SERPINB7: variants seen among roughly 807,000 people sequenced by gnomAD.
SERPINB7 encodes the protein serpin family B member 7, also known as serpin B7.
SERPINB7 carries 31 observed loss-of-function variants against 37.4 expected under a neutral mutation model. The ratio of observed to expected loss-of-function variants is 0.83; its 90% CI spans 0.62 to 1.12. The LOEUF (loss-of-function observed/expected upper bound fraction) is 1.12. Among genes scored for constraint, SERPINB7 ranks in the 50% most tolerant of loss-of-function variants. SERPINB7 has a pLI of 0.00. For synonymous variants in SERPINB7, 163 were observed against 166.1 expected (o/e 0.98, Z 0.14); for missense variants, 521 against 455.3 (o/e 1.14, Z -1.31).
At chr18:63,790,191 T>TAAACTAATTCATTTTAAACAAATTTA (rs2049412134) in intron 2 of SERPINB7, among the ~76,000 whole-genome samples, 1 of 152,204 alleles carries the variant, frequency 6.6e-6, no homozygotes, top group South Asian at 2.1e-4. Context: ...ATTATGAATT[T>TAAACTAATTCATTTTAAACAAATTTA]AACAAATTTT....
At chr18:63,792,495 G>A (rs2049440191) in intron 3 of SERPINB7, 52 bp downstream of exon 3, 1 of 1,236,044 alleles carries the variant, frequency 8.1e-7, no homozygotes, top group Non-Finnish European at 1.2e-6. Context: ...AGGTGCAGGG[G>A]CTCAAGCCTG....
At position 63,788,982 on chromosome 18, in the gene SERPINB7, G is replaced by A. The variant is rs143698247; in HGVS notation, c.169-3411G>A. 6.6e-4 allele frequency among the ~76,000 whole-genome samples: 101 copies of A among 152,260 alleles called. No homozygotes were observed. The East Asian group carries it at 0.017, about 26-fold the overall frequency. On this transcript the variant is annotated intron_variant, in intron 2 of 7. Transcript: ENST00000398019. ...ACCATACATTTCTCAGAAAGAATCC[G>A]TGTAGTTAAGTGATGCATGATTGTA...
chr18:63,770,279 C>T (rs1430047462), intron 1 of SERPINB7, among the ~76,000 whole-genome samples: 1 of 151,346 alleles, frequency 6.6e-6, no homozygotes, highest in African/African-American at 2.4e-5. Flanking sequence ...TTGGCAATAG[C>T]ACCTAGGCTG....
chr18:63,769,165 C>G (rs1041474367), intron 1 of SERPINB7, among the ~76,000 whole-genome samples: 2 of 151,988 alleles, frequency 1.3e-5, no homozygotes, highest in African/African-American at 2.4e-5. Context: ...TGGTGTCTCA[C>G]AAGCTCTTAA....
At chr18:63,785,375 A>G (rs190753030) in intron 2 of SERPINB7, among the ~76,000 whole-genome samples, 2 of 152,258 alleles carry the variant, frequency 1.3e-5, no homozygotes, top group African/African-American at 2.4e-5. Context: ...TCAAAGTGTC[A>G]TAGCTTCGCC....
At position 63,792,408 on chromosome 18, in the gene SERPINB7, A is replaced by T. The variant is rs1247247991; in HGVS notation, c.184A>T (p.Thr62Ser). Residue 62 changes from threonine (T) to serine (S), a missense_variant, in exon 3 of 8, where the codon ACT becomes TCT. Transcript: ENST00000398019. ...SQIDKLLHVN[T>S]ASGYGNSSNS... ...CTGTTTACAGTTGCTTCATGTTAACACTGCCTCAGGATATGGAAACTCTTC... is the reference window on the plus strand; with the variant it reads ...CTGTTTACAGTTGCTTCATGTTAACTCTGCCTCAGGATATGGAAACTCTTC... 2.5e-6 allele frequency: 4 copies of T among 1,604,928 alleles called. No homozygotes were observed. The highest frequency in any genetic ancestry group is 3.4e-6 in the Non-Finnish European group (4 of 1,171,856).
chr18:63,792,869 A>G (rs1019134651), intron 3 of SERPINB7, among the ~76,000 whole-genome samples: 1 of 152,292 alleles, frequency 6.6e-6, no homozygotes, highest in South Asian at 2.1e-4. Flanking sequence ...TTTTCTTTGT[A>G]TATTCATAGA....
At chr18:63,754,260 A>G (rs72937793) in intron 1 of SERPINB7, among the ~76,000 whole-genome samples, 3 of 152,340 alleles carry the variant, frequency 2.0e-5, no homozygotes, top group Non-Finnish European at 4.4e-5. Flanking sequence ...AGAGATTGAT[A>G]GAGGATAGAA....
intron 1 of SERPINB7, among the ~76,000 whole-genome samples, chr18:63,776,934 G>T (rs961461939): frequency 6.6e-6 from 1 of 151,708 alleles, no homozygotes; most frequent in Non-Finnish European, 1.5e-5. Context: ...ATATTCTAAC[G>T]CATCTCTCTC....
chr18:63,754,373 T>G (rs184917432), intron 1 of SERPINB7, among the ~76,000 whole-genome samples: 15 of 152,360 alleles, frequency 9.8e-5, no homozygotes, highest in Non-Finnish European at 7.4e-5. Flanking sequence ...ACAGATTGTC[T>G]TCTTCATTCT....
upstream of SERPINB7, among the ~76,000 whole-genome samples, chr18:63,773,862 A>G (rs542994506): frequency 3.2e-4 from 48 of 152,288 alleles, no homozygotes; most frequent in East Asian, 3.9e-4. Context: ...GAAGAAAACA[A>G]TGGTGAGTAG....
intron 1 of SERPINB7, among the ~76,000 whole-genome samples, chr18:63,758,886 A>G (rs922039664): frequency 2.0e-5 from 3 of 152,380 alleles, no homozygotes; most frequent in Non-Finnish European, 4.4e-5. Flanking sequence ...AACTGTGCTG[A>G]GTGGTGGGGT....
chr18:63,788,777 A>G (rs1056589068), intron 2 of SERPINB7, among the ~76,000 whole-genome samples: 2 of 152,212 alleles, frequency 1.3e-5, no homozygotes, highest in African/African-American at 4.8e-5. Context: ...GATGTATTTA[A>G]TACACAGATA....
chr18:63,783,194 GAGAGAGAGAGAGAGAGA>G (rs2049321562), intron 2 of SERPINB7, among the ~76,000 whole-genome samples: 1 of 63,522 alleles, frequency 1.6e-5, no homozygotes, highest in Non-Finnish European at 3.2e-5. Flanking sequence ...GAAAGAGAGA[GAGAGAGAGAGAGAGAGA>G]GAGAGAGAGA....
At chr18:63,782,577 A>G in intron 2 of SERPINB7, 37 bp downstream of exon 2, 1 of 1,546,160 alleles carries the variant, frequency 6.5e-7, no homozygotes, top group Non-Finnish European at 8.8e-7. Flanking sequence ...ACTGGGACAA[A>G]TTGTTTTTCC....
At chr18:63,761,745 C>G (rs2049155287) in intron 1 of SERPINB7, among the ~76,000 whole-genome samples, 1 of 152,188 alleles carries the variant, frequency 6.6e-6, no homozygotes. Flanking sequence ...TCCTCATTTT[C>G]TCTTGCTGCC....
At chr18:63,771,145 T>C (rs979679074), upstream of SERPINB7, among the ~76,000 whole-genome samples, 1 of 152,042 alleles carries the variant, frequency 6.6e-6, no homozygotes, top group Non-Finnish European at 1.5e-5. Context: ...GGAGGCATAA[T>C]TGTTGTGAGG....
intron 1 of SERPINB7, among the ~76,000 whole-genome samples, chr18:63,756,366 G>A (rs142161669): frequency 6.6e-6 from 1 of 152,126 alleles, no homozygotes. Context: ...AACTGGAATG[G>A]ATTTTCCTGG....
chr18:63,796,363 G>A lies in SERPINB7; in HGVS notation c.434G>A (p.Trp145Ter), dbSNP rs538386326. The change falls in exon 5 of 8, where the codon TGG becomes TAG. Residue 145 changes from tryptophan (W) to a stop codon, truncating the protein, a stop_gained. Coordinates refer to ENST00000398019, the MANE Select transcript of SERPINB7 (RefSeq NM_003784.4). LOFTEE classifies it high-confidence loss of function. Reference sequence around the variant, plus strand: ...GACACTAGACGTAATATTAATAAGTGGGTTGAAAATGAAACACATGGTGAG... The same window carrying A: ...GACACTAGACGTAATATTAATAAGTAGGTTGAAAATGAAACACATGGTGAG... Reference protein sequence around the residue: ...LEDTRRNINKWVENETHGKIK... With the variant: ...LEDTRRNINK 2.5e-6 allele frequency: 4 copies of A among 1,594,080 alleles called. No individual in the cohort carries two copies. The highest frequency in any genetic ancestry group is 2.2e-5 in the South Asian group (2 of 90,404).
Sources: gnomAD v4.1 joint callset for allele counts (sites outside exome capture counted in the v4.1 genomes callset) on GRCh38, gnomAD v4.1.1 for gene constraint, MANE v1.5 for transcripts, NCBI Gene and HGNC (gene_info 2026-07-23, HGNC 2026-07-21) for gene names.